JAK1: variants seen among roughly 807,000 people sequenced by gnomAD.
The protein encoded by JAK1 is Janus kinase 1.
JAK1 carries 16 observed loss-of-function variants against 136.6 expected under a neutral mutation model. That is an observed-to-expected ratio of 0.12 (90% CI 0.08 to 0.18). The LOEUF (loss-of-function observed/expected upper bound fraction) is 0.18. Ranked by LOEUF, JAK1 falls within the 10% of genes least tolerant of loss-of-function variation. The probability of loss-of-function intolerance (pLI) is 1.00; values close to 1 mark genes in which losing one functional copy is unlikely to be tolerated. For missense variants in JAK1, 859 were observed against 1,450.1 expected (o/e 0.59, Z 6.62); for synonymous variants, 492 against 519.5 (o/e 0.95, Z 0.72).
At chr1:65,061,519 G>GCA (rs1252240269) in intron 1 of JAK1, among the ~76,000 whole-genome samples, 1 of 152,034 alleles carries the variant, frequency 6.6e-6, no homozygotes, top group Non-Finnish European at 1.5e-5. Context: ...ATAACTGAAG[G>GCA]CACCGTAAGT....
At chr1:64,861,802 C>A (rs145210180) in intron 8 of JAK1, among the ~76,000 whole-genome samples, 1 of 152,168 alleles carries the variant, frequency 6.6e-6, no homozygotes, top group Non-Finnish European at 1.5e-5. Context: ...AGGAATGGCA[C>A]TTCAGAAAAA....
chr1:64,924,262 G>A (rs940686561), intron 1 of JAK1, among the ~76,000 whole-genome samples: 3 of 151,938 alleles, frequency 2.0e-5, no homozygotes, highest in Non-Finnish European at 4.4e-5. Context: ...GAAAATTAAG[G>A]GTATATCAAA....
At chr1:64,974,863 CTTTT>C (rs541481333) in intron 2 of JAK1, 1 of 152,184 alleles carries the variant, frequency 6.6e-6, no homozygotes, top group Admixed American at 6.6e-5. Context: ...ATTCTCTTTT[CTTTT>C]TTTGTTTTGT....
intron 10 of JAK1, among the ~76,000 whole-genome samples, chr1:64,856,111 A>G (rs1408810676): frequency 2.0e-5 from 3 of 152,232 alleles, no homozygotes; most frequent in African/African-American, 7.2e-5. Context: ...GGTAATAATT[A>G]TGATGGCACA....
At chr1:64,905,425 G>C (rs1645174795) in intron 1 of JAK1, among the ~76,000 whole-genome samples, 1 of 152,166 alleles carries the variant, frequency 6.6e-6, no homozygotes, top group East Asian at 1.9e-4. Context: ...TCAAATATCA[G>C]TGTTAAATTT....
intron 1 of JAK1, among the ~76,000 whole-genome samples, chr1:64,944,648 A>AT (rs1288693780): frequency 6.6e-6 from 1 of 152,144 alleles, no homozygotes; most frequent in Non-Finnish European, 1.5e-5. Context: ...GGGCAGGGGT[A>AT]TATCACTACT....
At chr1:64,978,887 T>C (rs1166394471) in intron 2 of JAK1, among the ~76,000 whole-genome samples, 2 of 152,164 alleles carry the variant, frequency 1.3e-5, no homozygotes, top group Non-Finnish European at 2.9e-5. Flanking sequence ...GTGGTCTTTT[T>C]ACTGTCTCTG....
chr1:64,954,742 A>G (rs1318868423), intron 1 of JAK1, among the ~76,000 whole-genome samples: 1 of 152,266 alleles, frequency 6.6e-6, no homozygotes, highest in Non-Finnish European at 1.5e-5. Context: ...GAAGGATTTA[A>G]CACATGTGAC....
chr1:64,968,224 G>A (rs1482897529), upstream of JAK1, among the ~76,000 whole-genome samples: 3 of 152,154 alleles, frequency 2.0e-5, no homozygotes, highest in Non-Finnish European at 2.9e-5. Flanking sequence ...GAATCAGGGG[G>A]AGAGGGCCTG....
intron 2 of JAK1, among the ~76,000 whole-genome samples, chr1:64,982,456 C>T (rs1166066102): frequency 6.6e-6 from 1 of 152,212 alleles, no homozygotes; most frequent in Non-Finnish European, 1.5e-5. Flanking sequence ...CAGTAACTAC[C>T]ATTGCCCCTC....
At chr1:64,950,240 T>C (rs557628014) in intron 1 of JAK1, among the ~76,000 whole-genome samples, 11 of 152,204 alleles carry the variant, frequency 7.2e-5, no homozygotes, top group Middle Eastern at 3.4e-3. Flanking sequence ...AAACCCCGTC[T>C]CTACTAAAGA....
At chr1:64,907,383 C>T (rs1645207452) in intron 1 of JAK1, among the ~76,000 whole-genome samples, 1 of 152,120 alleles carries the variant, frequency 6.6e-6, no homozygotes, top group Non-Finnish European at 1.5e-5. Context: ...TTTTCTCAGA[C>T]CTACAGCAAA....
At chr1:65,014,165 T>C (rs1646873159) in intron 2 of JAK1, among the ~76,000 whole-genome samples, 1 of 152,116 alleles carries the variant, frequency 6.6e-6, no homozygotes, top group South Asian at 2.1e-4. Context: ...TTAAAATTCA[T>C]AGAAGATAGA....
At chr1:64,951,879 C>T (rs1646096869) in intron 1 of JAK1, among the ~76,000 whole-genome samples, 2 of 152,122 alleles carry the variant, frequency 1.3e-5, no homozygotes, top group African/African-American at 4.8e-5. Context: ...AGGATGGTCT[C>T]GAATCCTGAC....
intron 2 of JAK1, among the ~76,000 whole-genome samples, chr1:65,021,400 T>A (rs519282): frequency 2.0e-5 from 3 of 152,068 alleles, no homozygotes; most frequent in South Asian, 2.1e-4. Flanking sequence ...TGTTCTTTCC[T>A]TCCATCGGCA....
chr1:65,067,328 G>A (rs922849322), intron 1 of JAK1, among the ~76,000 whole-genome samples: 1 of 149,704 alleles, frequency 6.7e-6, no homozygotes, highest in Non-Finnish European at 1.5e-5. Context: ...CGAGCCCCAC[G>A]GCTGCGTGTG....
intron 4 of JAK1, among the ~76,000 whole-genome samples, chr1:64,877,240 T>C (rs974940028): frequency 7.9e-5 from 12 of 152,242 alleles, no homozygotes. Flanking sequence ...CAACATTTAT[T>C]TTCATTTACG....
chr1:64,865,144 A>T (rs1162519745), intron 7 of JAK1, among the ~76,000 whole-genome samples, 172 bp from the exon 8 acceptor site: 1 of 152,198 alleles, frequency 6.6e-6, no homozygotes, highest in African/African-American at 2.4e-5. Flanking sequence ...AGGACCAAAG[A>T]ACTGGGTTGT....
At chr1:65,064,499 T>C (rs577917953) in intron 1 of JAK1, among the ~76,000 whole-genome samples, 1 of 152,334 alleles carries the variant, frequency 6.6e-6, no homozygotes, top group East Asian at 1.9e-4. Flanking sequence ...TTATCGTTTA[T>C]TAGGTAGCCC....
Sources: gnomAD v4.1 joint callset for allele counts (sites outside exome capture counted in the v4.1 genomes callset) on GRCh38, gnomAD v4.1.1 for gene constraint, MANE v1.5 for transcripts, NCBI Gene and HGNC (gene_info 2026-07-23, HGNC 2026-07-21) for gene names.